The following IMPG2 variants were observed in gnomAD, a reference collection of about 807,000 sequenced individuals.
IMPG2 encodes the protein interphotoreceptor matrix proteoglycan 2.
In IMPG2, 91 loss-of-function variants were observed where a neutral mutation model predicts 129.2. The ratio of observed to expected loss-of-function variants is 0.70; its 90% CI spans 0.59 to 0.84. The LOEUF is 0.84. Ranked by LOEUF, IMPG2 falls within the 40% of genes least tolerant of loss-of-function variation. IMPG2 has a pLI of 0.00. For synonymous variants in IMPG2, 510 were observed against 517.7 expected, an observed-to-expected ratio of 0.99 and a Z score of 0.20; for missense variants, 1,430 against 1,461.7, an observed-to-expected ratio of 0.98 and a Z score of 0.35.
chr3:101,276,771 G>C (rs1472328628), intron 4 of IMPG2, 58 bp from the exon 5 acceptor site: 2 of 1,335,294 alleles, frequency 1.5e-6, no homozygotes, highest in African/African-American at 2.9e-5. Context: ...GTTTATTTTG[G>C]GATTTTTGGG....
chr3:101,232,229 T>A (rs1027899787), intron 15 of IMPG2, among the ~76,000 whole-genome samples: 3 of 151,326 alleles, frequency 2.0e-5, no homozygotes, highest in African/African-American at 7.3e-5. Flanking sequence ...TTTTATTTTT[T>A]TTTTATTTAT....
At chr3:101,251,401 T>TA (rs148480371) in intron 11 of IMPG2, among the ~76,000 whole-genome samples, 1,810 of 152,304 alleles carry the variant, frequency 0.012, 44 homozygotes, top group African/African-American at 0.042. Flanking sequence ...AAATATTCCC[T>TA]AAAAAATGGC....
chr3:101,239,305 C>T (rs1706380761), intron 14 of IMPG2, among the ~76,000 whole-genome samples: 1 of 152,162 alleles, frequency 6.6e-6, no homozygotes, highest in South Asian at 2.1e-4. Flanking sequence ...CAAAAGAAAA[C>T]ATTTATGCAG....
chr3:101,285,069 T>C (rs1040177953), intron 4 of IMPG2, among the ~76,000 whole-genome samples: 6 of 152,206 alleles, frequency 3.9e-5, no homozygotes, highest in African/African-American at 1.4e-4. Context: ...ACTCAGAGAA[T>C]TTCATCCTGT....
chr3:101,304,061 CA>C (rs1404516093), intron 3 of IMPG2, 84 bp downstream of exon 3: 10 of 1,410,468 alleles, frequency 7.1e-6, no homozygotes, highest in African/African-American at 1.4e-5. Flanking sequence ...AGGCATTTGC[CA>C]CTTGCTTTTG....
Position 101,243,511 on chromosome 3 carries a change from T to G in IMPG2, c.2802+18A>C, listed in dbSNP as rs774814088. ...CATGATTATTCACTAGTGCCCATGT[T>G]TCACTTTTTATGCTTACCAATTCTA... On this transcript the variant is annotated intron_variant, in intron 13 of 18. Transcript: ENST00000193391. 4 of 1,611,802 alleles carry G rather than the reference T, an allele frequency of 2.5e-6. No homozygotes were observed. The highest frequency in any genetic ancestry group is 3.4e-6 in the Non-Finnish European group (4 of 1,178,316).
At chr3:101,264,118 G>A (rs903791558) in intron 9 of IMPG2, among the ~76,000 whole-genome samples, 1 of 152,036 alleles carries the variant, frequency 6.6e-6, no homozygotes, top group East Asian at 1.9e-4. Flanking sequence ...AAAAGTCCAG[G>A]ACTGGATTGC....
intron 2 of IMPG2, among the ~76,000 whole-genome samples, chr3:101,305,701 T>C (rs1157840881): frequency 1.3e-5 from 2 of 152,094 alleles, no homozygotes; most frequent in East Asian, 3.9e-4. Context: ...CATACATACA[T>C]ACACATGAAC....
intron 3 of IMPG2, among the ~76,000 whole-genome samples, chr3:101,297,485 G>C (rs912128888): frequency 6.6e-6 from 1 of 151,894 alleles, no homozygotes; most frequent in East Asian, 1.9e-4. Flanking sequence ...CTTTAATTGC[G>C]ATGTTAGCAT....
intron 15 of IMPG2, 46 bp downstream of exon 15, chr3:101,232,735 G>A (rs1284652977): frequency 1.3e-6 from 2 of 1,541,952 alleles, no homozygotes; most frequent in Non-Finnish European, 1.8e-6. Context: ...TTCTTTAGAG[G>A]AAATATCTAT....
At position 101,257,349 on chromosome 3, in the gene IMPG2, G is replaced by A. The variant is rs115366368; in HGVS notation, c.1153+180C>T. Among the ~76,000 whole-genome samples, 1,457 of 152,052 alleles carry A rather than the reference G, an allele frequency of 9.6e-3. 22 individuals are homozygous for A. Among genetic ancestry groups the A allele is most frequent in the African/African-American group, 0.033 (1,384 of 41,466 alleles). On this transcript the variant is annotated intron_variant, in intron 10 of 18. Transcript: ENST00000193391. ...CTTTTGTCTACAAATATTCCAGAAA[G>A]CCCCGGATTAATCTATCCAAAATAG...
chr3:101,230,641 C>T (rs1298953052), intron 16 of IMPG2, among the ~76,000 whole-genome samples: 2 of 152,216 alleles, frequency 1.3e-5, no homozygotes, highest in African/African-American at 4.8e-5. Flanking sequence ...TAGAAAGCAT[C>T]CCAGCCCAAA....
At chr3:101,305,848 G>A (rs1425759845) in intron 2 of IMPG2, among the ~76,000 whole-genome samples, 1 of 152,148 alleles carries the variant, frequency 6.6e-6, no homozygotes, top group Non-Finnish European at 1.5e-5. Context: ...AGTACTGAAT[G>A]TACTGCTGTT....
At chr3:101,319,299 A>T (rs926164067) in intron 2 of IMPG2, among the ~76,000 whole-genome samples, 1 of 152,158 alleles carries the variant, frequency 6.6e-6, no homozygotes, top group Admixed American at 6.5e-5. Context: ...CAAAAGCTAC[A>T]AACTCAAATC....
At position 101,226,892 on chromosome 3, in the gene IMPG2, G is replaced by T. The variant is rs1307059076; in HGVS notation, c.*77C>A. ...TCTTCCAACAGTGTTTAAAATCCAG[G>T]TTAATTATATGACATAAGTAACAAG... On this transcript the variant is annotated 3_prime_UTR_variant, in exon 19 of 19. Coordinates refer to ENST00000193391, the MANE Select transcript of IMPG2 (RefSeq NM_016247.4). The T allele has an allele frequency of 2.8e-6, 4 of 1,449,828 alleles. No homozygotes were observed. Among genetic ancestry groups the T allele is most frequent in the Non-Finnish European group, 3.9e-6 (4 of 1,034,422 alleles). 89.8% of individuals were successfully genotyped at this position (1,449,828 alleles called of 1,614,324 possible).
In IMPG2 at chr3:101,223,498, G is replaced by A. The variant is rs527599293; in HGVS notation, c.*3471C>T. Reference sequence around the variant, plus strand: ...AATTCAGAGACAGAAAGATGTCAAAGTACCCATTGCTGAAAACAGAAATAA... The same window carrying A: ...AATTCAGAGACAGAAAGATGTCAAAATACCCATTGCTGAAAACAGAAATAA... On this transcript the variant is annotated 3_prime_UTR_variant, in exon 19 of 19. Transcript: ENST00000193391. The A allele has an allele frequency of 2.6e-5, 4 of 152,198 alleles. No homozygotes were observed. The East Asian group carries it at 5.8e-4, about 22-fold the overall frequency. 9.4% of individuals were successfully genotyped at this position (152,198 alleles called of 1,614,324 possible). A position where few individuals can be genotyped will look rare whatever the true frequency, so the allele number is the denominator to read the frequency against.
At chr3:101,287,037 A>C (rs1706952913) in intron 4 of IMPG2, among the ~76,000 whole-genome samples, 1 of 152,190 alleles carries the variant, frequency 6.6e-6, no homozygotes, top group South Asian at 2.1e-4. Context: ...CTTAGCAGGA[A>C]AAAAGCACAG....
intron 18 of IMPG2, among the ~76,000 whole-genome samples, chr3:101,227,293 T>G (rs1271731692): frequency 6.6e-6 from 1 of 152,236 alleles, no homozygotes; most frequent in Non-Finnish European, 1.5e-5. Context: ...TTCCAATGTC[T>G]TATTCCTTCT....
chr3:101,283,250 C>A (rs1235013559), intron 4 of IMPG2, among the ~76,000 whole-genome samples: 1 of 151,992 alleles, frequency 6.6e-6, no homozygotes, highest in Non-Finnish European at 1.5e-5. Context: ...GTCTTGAACT[C>A]CTGATTTCAA....
Sources: gnomAD v4.1 joint callset for allele counts (sites outside exome capture counted in the v4.1 genomes callset) on GRCh38, gnomAD v4.1.1 for gene constraint, MANE v1.5 for transcripts, NCBI Gene and HGNC (gene_info 2026-07-23, HGNC 2026-07-21) for gene names.